The following CABIN1 variants were observed in gnomAD, a reference collection of about 807,000 sequenced individuals.
The protein encoded by CABIN1 is calcineurin-binding protein cabin-1.
CABIN1 carries 133 observed loss-of-function variants against 227.7 expected under a neutral mutation model. The ratio of observed to expected loss-of-function variants is 0.58; its 90% CI spans 0.51 to 0.67. The LOEUF (loss-of-function observed/expected upper bound fraction) is 0.67. CABIN1 is among the 30% of genes least tolerant of loss of function. The probability of loss-of-function intolerance (pLI) is 0.00; values close to 1 mark genes in which losing one functional copy is unlikely to be tolerated. For synonymous variants in CABIN1, 1,086 were observed against 1,155.1 expected, an observed-to-expected ratio of 0.94 and a Z score of 1.21; for missense variants, 2,408 against 2,852.5, an observed-to-expected ratio of 0.84 and a Z score of 3.55.
chr22:24,158,861 C>A (rs1237677732), intron 29 of CABIN1, among the ~76,000 whole-genome samples: 1 of 152,174 alleles, frequency 6.6e-6, no homozygotes, highest in Non-Finnish European at 1.5e-5. Flanking sequence ...TCAGGGGTAG[C>A]CTGGATGTGG....
At chr22:24,124,088 A>AT (rs2043577395) in intron 28 of CABIN1, among the ~76,000 whole-genome samples, 1 of 152,218 alleles carries the variant, frequency 6.6e-6, no homozygotes, top group South Asian at 2.1e-4. Flanking sequence ...GGAGGAGAGA[A>AT]TGTGGGCTCT....
At chr22:24,079,865 GTTCTATTTCTAT>G (rs1213709543) in intron 19 of CABIN1, among the ~76,000 whole-genome samples, 1 of 152,060 alleles carries the variant, frequency 6.6e-6, no homozygotes, top group African/African-American at 2.4e-5. Context: ...TGTGTGCTTA[GTTCTATTTCTAT>G]TTCTGTGCAC....
chr22:24,119,301 G>T (rs1020152943), intron 27 of CABIN1, 66 bp from the exon 28 acceptor site: 1 of 1,382,800 alleles, frequency 7.2e-7, no homozygotes, highest in Non-Finnish European at 1.0e-6. Context: ...CGTTACTGGT[G>T]GTAGACCACT....
chr22:24,095,015 G>A (rs1485961149), intron 24 of CABIN1, among the ~76,000 whole-genome samples: 1 of 152,120 alleles, frequency 6.6e-6, no homozygotes, highest in Admixed American at 6.5e-5. Context: ...TGGGTGCCTC[G>A]AGTGGTTTCC....
At chr22:24,019,120 GTTTTTTTTTTTTT>G (rs945660140) in intron 1 of CABIN1, among the ~76,000 whole-genome samples, 4 of 40,176 alleles carry the variant, frequency 1.0e-4, no homozygotes, top group African/African-American at 4.0e-4. Context: ...ACTGAGTGTT[GTTTTTTTTTTTTT>G]TTTTTTTTTT....
chr22:24,072,195 A>G (rs899126414), intron 17 of CABIN1, among the ~76,000 whole-genome samples, 159 bp from the exon 18 acceptor site: 2 of 152,144 alleles, frequency 1.3e-5, no homozygotes, highest in African/African-American at 4.8e-5. Flanking sequence ...GTCCGATGAC[A>G]TGCTGAGGAT....
At chr22:24,080,932 C>T (rs1223011326) in intron 19 of CABIN1, among the ~76,000 whole-genome samples, 4 of 151,660 alleles carry the variant, frequency 2.6e-5, no homozygotes, top group Non-Finnish European at 2.9e-5. Flanking sequence ...TCCCCCTTGT[C>T]TTATACTCTT....
chr22:24,140,080 G>A (rs1345547634), intron 29 of CABIN1, among the ~76,000 whole-genome samples: 1 of 152,226 alleles, frequency 6.6e-6, no homozygotes, highest in Admixed American at 6.5e-5. Context: ...GGGCAGGAGA[G>A]GAAGGCTAGG....
Position 24,119,692 on chromosome 22 carries a change from C to T in CABIN1, c.4626C>T (p.Thr1542=). ...RLAFLYTYSK[T]HRNLQWARDV... Reference sequence around the variant, plus strand: ...CCTTCCTCTACACCTACAGCAAGACCCACCGGGTGAGTGGCTGCCGGGCCA... The same window carrying T: ...CCTTCCTCTACACCTACAGCAAGACTCACCGGGTGAGTGGCTGCCGGGCCA... Residue 1542 remains threonine (T), a synonymous_variant, in exon 28 of 37, where the codon ACC becomes ACT. Coordinates refer to ENST00000263119, the MANE Select transcript of CABIN1 (RefSeq NM_012295.4). 1 of 1,613,898 alleles carries T rather than the reference C, an allele frequency of 6.2e-7. No individual in the cohort carries two copies. The highest frequency in any genetic ancestry group is 8.5e-7 in the Non-Finnish European group (1 of 1,179,960).
chr22:24,015,577 C>T (rs2035215523), intron 1 of CABIN1, among the ~76,000 whole-genome samples: 1 of 151,662 alleles, frequency 6.6e-6, no homozygotes, highest in Non-Finnish European at 1.5e-5. Context: ...ATCTTCTGAC[C>T]TTGTGATCCG....
At chr22:24,100,817 A>G (rs2042159874) in intron 26 of CABIN1, among the ~76,000 whole-genome samples, 1 of 152,216 alleles carries the variant, frequency 6.6e-6, no homozygotes, top group African/African-American at 2.4e-5. Context: ...TTCACTTCTC[A>G]ATTTCCTCAC....
intron 26 of CABIN1, chr22:24,103,425 C>T (rs1352214583): frequency 6.6e-6 from 1 of 152,224 alleles, no homozygotes; most frequent in Non-Finnish European, 1.5e-5. Context: ...AGCCTTGATG[C>T]TCTGAGGTGG....
chr22:24,158,053 C>T (rs542689550), intron 29 of CABIN1, among the ~76,000 whole-genome samples: 4 of 152,352 alleles, frequency 2.6e-5, no homozygotes, highest in East Asian at 3.9e-4. Context: ...TGAGTCACCA[C>T]GACACCCGTG....
rs1251102604 is a variant in CABIN1 at position 24,060,085 on chromosome 22, C to T, written c.1561C>T (p.His521Tyr). The T allele has an allele frequency of 1.2e-6, 2 of 1,614,002 alleles. No individual in the cohort carries two copies. The highest frequency in any genetic ancestry group is 8.5e-7 in the Non-Finnish European group (1 of 1,180,004). Residue 521 changes from histidine to tyrosine, a missense_variant, in exon 12 of 37, where the codon CAC (histidine) becomes TAC (tyrosine). This residue lies in a region of CABIN1 where 1,045 missense variants were observed against 1,168.4 expected (regional missense o/e 0.89). Coordinates refer to ENST00000263119, the MANE Select transcript of CABIN1 (RefSeq NM_012295.4). ...CAGCGTCTACCACAGCTGGAGGAGGCACAGCACCAGCCTGCCCAACCCGCT... is the reference window on the plus strand; with the variant it reads ...CAGCGTCTACCACAGCTGGAGGAGGTACAGCACCAGCCTGCCCAACCCGCT... ...VLSVYHSWRR[H>Y]STSLPNPLLR...
rs1266365659 is a variant in CABIN1 at position 24,019,149 on chromosome 22, GAGA to G, written c.-75+7785_-75+7787del. Reference sequence around the variant, plus strand: ...TTTTTTTTTTTTTTTTTTTTTTTTTGAGAAGGAGTCTCACTCTGTCGCCCAGGC... The same window carrying G: ...TTTTTTTTTTTTTTTTTTTTTTTTTGAGGAGTCTCACTCTGTCGCCCAGGC... On this transcript the variant is annotated intron_variant, in intron 1 of 36. Coordinates refer to ENST00000263119, the MANE Select transcript of CABIN1 (RefSeq NM_012295.4). 6.7e-4 allele frequency among the ~76,000 whole-genome samples: 22 copies of G among 32,684 alleles called. No individual in the cohort carries two copies. The East Asian group carries it at 0.015, about 23-fold the overall frequency. 21.4% of individuals were successfully genotyped at this position (32,684 alleles called of 152,430 possible). A position where few individuals can be genotyped will look rare whatever the true frequency, so the allele number is the denominator to read the frequency against.
chr22:24,043,988 G>A, intron 6 of CABIN1, among the ~76,000 whole-genome samples: 1 of 152,188 alleles, frequency 6.6e-6, no homozygotes, highest in East Asian at 1.9e-4. Flanking sequence ...AACTTAGCAA[G>A]GCAAATTTGA....
rs544346168 is a variant in CABIN1 at position 24,035,570 on chromosome 22, C to G, written c.3+50C>G. ...TGCGGACCTCAGTGTTCTTTTGTTA[C>G]GTTACTCCTGGGGGCGAGGGGCATT... On this transcript the variant is annotated intron_variant, in intron 2 of 36. Coordinates refer to ENST00000263119, the MANE Select transcript of CABIN1 (RefSeq NM_012295.4). 7 of 1,611,234 alleles carry G rather than the reference C, an allele frequency of 4.3e-6. No individual in the cohort carries two copies. The South Asian group carries it at 6.6e-5, about 15-fold the overall frequency.
At chr22:24,067,465 G>C (rs1057305994) in intron 16 of CABIN1, among the ~76,000 whole-genome samples, 26 of 152,154 alleles carry the variant, frequency 1.7e-4, no homozygotes, top group African/African-American at 5.3e-4. Flanking sequence ...AGAATGGTCA[G>C]GTCATCATCT....
chr22:24,077,694 T>C (rs1051338001), intron 19 of CABIN1, among the ~76,000 whole-genome samples: 20 of 152,166 alleles, frequency 1.3e-4, no homozygotes, highest in African/African-American at 4.8e-4. Context: ...GCCTTCCCTC[T>C]GCCAACCAAC....
Sources: gnomAD v4.1 joint callset for allele counts (sites outside exome capture counted in the v4.1 genomes callset) on GRCh38, gnomAD v4.1.1 for gene constraint, gnomAD v4.1.1 regional missense constraint, MANE v1.5 for transcripts, NCBI Gene and HGNC (gene_info 2026-07-23, HGNC 2026-07-21) for gene names.